MIPOL1: variants seen among roughly 807,000 people sequenced by gnomAD.
MIPOL1 encodes mirror-image polydactyly 1, also known as mirror-image polydactyly gene 1 protein.
In MIPOL1, 57 loss-of-function variants were observed where a neutral mutation model predicts 60.9. The observed-to-expected ratio is 0.94, with a 90% confidence interval of 0.76 to 1.17. The LOEUF is 1.17. Ranked by LOEUF, MIPOL1 falls within the 50% of genes most tolerant of loss-of-function variation. MIPOL1 has a pLI of 0.00. For missense variants in MIPOL1, 551 were observed against 511.6 expected, an observed-to-expected ratio of 1.08 and a Z score of -0.74; for synonymous variants, 179 against 168.8, an observed-to-expected ratio of 1.06 and a Z score of -0.47.
At chr14:37,230,008 G>A (rs1970365306) in intron 1 of MIPOL1, among the ~76,000 whole-genome samples, 1 of 152,052 alleles carries the variant, frequency 6.6e-6, no homozygotes, top group South Asian at 2.1e-4. Context: ...GTAAAACATG[G>A]TGACTACAGT....
intron 1 of MIPOL1, among the ~76,000 whole-genome samples, chr14:37,246,564 A>T (rs1157252245): frequency 6.6e-6 from 1 of 152,110 alleles, no homozygotes; most frequent in Non-Finnish European, 1.5e-5. Context: ...CAGTCTTACA[A>T]AAGAATTTGC....
intron 12 of MIPOL1, among the ~76,000 whole-genome samples, chr14:37,538,272 T>C (rs2095515114): frequency 6.6e-6 from 1 of 152,238 alleles, no homozygotes; most frequent in Non-Finnish European, 1.5e-5. Flanking sequence ...ATAATAACTT[T>C]CTGGAAAAGA....
At chr14:37,279,951 C>T (rs2083970034) in intron 6 of MIPOL1, among the ~76,000 whole-genome samples, 1 of 152,130 alleles carries the variant, frequency 6.6e-6, no homozygotes, top group African/African-American at 2.4e-5. Context: ...CCTCCACCCT[C>T]ATCCCCAGCC....
chr14:37,227,020 G>A lies in MIPOL1; in HGVS notation c.-198-20083G>A, dbSNP rs145435054. On this transcript the variant is annotated intron_variant, in intron 1 of 12. Transcript: ENST00000684589. ...GAAAATGTCTCTGAATATATGAGGT[G>A]CTGTGAGAGCTAGGGAACTCATAAG... is the stretch of plus-strand genomic sequence containing the variant. Among the ~76,000 whole-genome samples, 8 of 152,272 alleles carry A rather than the reference G, an allele frequency of 5.3e-5. No individual in the cohort carries two copies. In the East Asian group the frequency reaches 1.4e-3, roughly 26 times the overall value.
chr14:37,369,249 T>A (rs574873781), intron 9 of MIPOL1, among the ~76,000 whole-genome samples: 92 of 152,174 alleles, frequency 6.0e-4, no homozygotes, highest in Middle Eastern at 3.4e-3. Flanking sequence ...TTAAATATGG[T>A]TTGACCTTAA....
chr14:37,507,321 C>T (rs1367130640), intron 12 of MIPOL1: 1 of 152,140 alleles, frequency 6.6e-6, no homozygotes, highest in East Asian at 1.9e-4. Context: ...CTTATTGCGG[C>T]ACTATTCACA....
chr14:37,422,787 T>TA, intron 10 of MIPOL1, 68 bp from the exon 11 acceptor site: 2 of 1,005,424 alleles, frequency 2.0e-6, no homozygotes, highest in Non-Finnish European at 3.0e-6. Flanking sequence ...CTACTGTTCT[T>TA]ACCGTGGTAC....
intron 11 of MIPOL1, among the ~76,000 whole-genome samples, chr14:37,477,961 A>G (rs1246959814): frequency 6.6e-6 from 1 of 152,214 alleles, no homozygotes; most frequent in Non-Finnish European, 1.5e-5. Flanking sequence ...AAATGTCTAA[A>G]TGGTCTGCAG....
chr14:37,456,489 G>A (rs535800277), intron 11 of MIPOL1, among the ~76,000 whole-genome samples: 1 of 152,170 alleles, frequency 6.6e-6, no homozygotes, highest in African/African-American at 2.4e-5. Flanking sequence ...ATTTTTATTA[G>A]TGAAAAGACC....
intron 1 of MIPOL1, among the ~76,000 whole-genome samples, chr14:37,208,357 G>A (rs1966435555): frequency 6.6e-6 from 1 of 152,040 alleles, no homozygotes; most frequent in South Asian, 2.1e-4. Context: ...TCATAGTTTT[G>A]AGGATTTTAC....
At chr14:37,396,234 G>A (rs1488948986) in intron 10 of MIPOL1, among the ~76,000 whole-genome samples, 3 of 152,038 alleles carry the variant, frequency 2.0e-5, no homozygotes, top group Non-Finnish European at 4.4e-5. Context: ...CATACATGAT[G>A]TTTAGTTTTG....
chr14:37,520,176 G>A (rs755088640), intron 12 of MIPOL1, among the ~76,000 whole-genome samples: 21 of 152,122 alleles, frequency 1.4e-4, no homozygotes, highest in Non-Finnish European at 2.2e-4. Context: ...CCATGGCTTA[G>A]TCTAAAATTT....
At chr14:37,298,383 T>A (rs1411074206) in intron 7 of MIPOL1, among the ~76,000 whole-genome samples, 1 of 152,068 alleles carries the variant, frequency 6.6e-6, no homozygotes, top group African/African-American at 2.4e-5. Flanking sequence ...TTCAGGACAT[T>A]GGCCTGGGCA....
At chr14:37,402,667 T>C (rs895355372) in intron 10 of MIPOL1, among the ~76,000 whole-genome samples, 1 of 152,206 alleles carries the variant, frequency 6.6e-6, no homozygotes, top group Admixed American at 6.5e-5. Context: ...TTTAGAGGAA[T>C]TGTGGCCTAA....
intron 7 of MIPOL1, among the ~76,000 whole-genome samples, chr14:37,307,236 T>A (rs1003827287): frequency 7.9e-5 from 12 of 152,048 alleles, no homozygotes; most frequent in Middle Eastern, 6.8e-3. Context: ...TTAAAATAAT[T>A]GAGATCCTTT....
rs1393503861 is a variant in MIPOL1, at chr14:37,515,808, T to C, written c.1262+15670T>C. Among the ~76,000 whole-genome samples the C allele has an allele frequency of 5.9e-5, 9 of 152,156 alleles. No homozygotes were observed. In the East Asian group the frequency reaches 1.7e-3, roughly 29 times the overall value. ...TGTATAATCACACCACAATGTGAGGTGACCCTAAGACAGAGAACTGATCAG... is the reference window on the plus strand; with the variant it reads ...TGTATAATCACACCACAATGTGAGGCGACCCTAAGACAGAGAACTGATCAG... On this transcript the variant is annotated intron_variant, in intron 12 of 12. Transcript: ENST00000684589.
chr14:37,544,158 A>C (rs2095539317), intron 12 of MIPOL1, among the ~76,000 whole-genome samples: 1 of 152,214 alleles, frequency 6.6e-6, no homozygotes, highest in Non-Finnish European at 1.5e-5. Flanking sequence ...AGTGTCATCA[A>C]GGGAGCAAAA....
chr14:37,546,038 A>G (rs1232087276), intron 12 of MIPOL1: 1 of 171,680 alleles, frequency 5.8e-6, no homozygotes, highest in Non-Finnish European at 1.2e-5. Flanking sequence ...AGTAAAGAAA[A>G]TAAAAGAAGA....
chr14:37,493,536 A>G (rs140125532), intron 11 of MIPOL1, among the ~76,000 whole-genome samples: 12 of 152,314 alleles, frequency 7.9e-5, no homozygotes, highest in East Asian at 5.8e-4. Flanking sequence ...TTGGCCTGCC[A>G]TTGGACTCAA....
Sources: gnomAD v4.1 joint callset for allele counts (sites outside exome capture counted in the v4.1 genomes callset) on GRCh38, gnomAD v4.1.1 for gene constraint, MANE v1.5 for transcripts, NCBI Gene and HGNC (gene_info 2026-07-23, HGNC 2026-07-21) for gene names.